The following CFAP20DC variants were observed in gnomAD, a reference collection of about 807,000 sequenced individuals.
CFAP20DC encodes CFAP20 domain containing.
Under a neutral mutation model 101.7 loss-of-function variants are expected in CFAP20DC, and 84 were observed. The observed-to-expected ratio is 0.83, with a 90% CI of 0.69 to 0.99. CFAP20DC has a LOEUF of 0.99. Ranked by LOEUF, CFAP20DC falls within the 50% of genes least tolerant of loss-of-function variation. The pLI is 0.00. For synonymous variants in CFAP20DC, 359 were observed against 351.2 expected (o/e 1.02, Z -0.25); for missense variants, 1,007 against 970.3 (o/e 1.04, Z -0.50).
At chr3:58,995,901 C>G (rs929452263) in intron 4 of CFAP20DC, among the ~76,000 whole-genome samples, 3 of 152,092 alleles carry the variant, frequency 2.0e-5, no homozygotes, top group African/African-American at 4.8e-5. Flanking sequence ...GTTCTTCTGA[C>G]TTTTCAGCTT....
At chr3:58,739,536 T>C (rs1414441456), downstream of CFAP20DC, among the ~76,000 whole-genome samples, 2 of 152,216 alleles carry the variant, frequency 1.3e-5, no homozygotes, top group Non-Finnish European at 1.5e-5. Context: ...CACAGGTGCA[T>C]ATGCCATTAG....
At chr3:58,943,022 T>C (rs1236131707) in intron 4 of CFAP20DC, among the ~76,000 whole-genome samples, 2 of 152,230 alleles carry the variant, frequency 1.3e-5, no homozygotes, top group Non-Finnish European at 2.9e-5. Context: ...ACTGCTTCTC[T>C]AGATTCCTCC....
chr3:58,990,491 G>A (rs1053662251), intron 4 of CFAP20DC, among the ~76,000 whole-genome samples: 4 of 152,084 alleles, frequency 2.6e-5, no homozygotes, highest in African/African-American at 9.7e-5. Context: ...CCAGGTCCTA[G>A]AATGCTCTTT....
At chr3:58,751,840 A>AACACACACACACAC (rs58961774) in intron 16 of CFAP20DC, among the ~76,000 whole-genome samples, 201 of 140,732 alleles carry the variant, frequency 1.4e-3, no homozygotes, top group African/African-American at 5.3e-3. Flanking sequence ...CCTCAGCTGT[A>AACACACACACACAC]ACACACACAC....
In CFAP20DC at chr3:58,730,566, G is replaced by A. The variant is rs116772910; in HGVS notation, c.198-12938C>T. On this transcript the variant is annotated intron_variant, in intron 3 of 3. Coordinates refer to the CFAP20DC transcript ENST00000486145. ...AGTAGGATCTCCTGACCATTTGAAA[G>A]TGGGACATGAGATAAGAGGAGGAAT... Among the ~76,000 whole-genome samples, 708 of 152,246 alleles carry A rather than the reference G, an allele frequency of 4.7e-3. 5 individuals are homozygous for A. Among genetic ancestry groups the A allele is most frequent in the African/African-American group, 0.017 (692 of 41,528 alleles).
At chr3:58,936,092 C>A (rs2087552075) in intron 5 of CFAP20DC, among the ~76,000 whole-genome samples, 1 of 152,028 alleles carries the variant, frequency 6.6e-6, no homozygotes, top group South Asian at 2.1e-4. Flanking sequence ...AAACAAACAA[C>A]CCCATCAAAA....
At chr3:58,839,235 T>G (rs1478043795) in intron 13 of CFAP20DC, among the ~76,000 whole-genome samples, 1 of 152,192 alleles carries the variant, frequency 6.6e-6, no homozygotes, top group Non-Finnish European at 1.5e-5. Context: ...TGGCCTCTAA[T>G]TGGGGGTAGC....
chr3:58,862,938 G>A (rs2079374540), intron 12 of CFAP20DC: 1 of 972,290 alleles, frequency 1.0e-6, no homozygotes, highest in Non-Finnish European at 1.2e-6. Context: ...AGTTTGATTT[G>A]AAACATTTTA....
At chr3:59,010,166 A>T (rs1168041474) in intron 4 of CFAP20DC, among the ~76,000 whole-genome samples, 4 of 152,136 alleles carry the variant, frequency 2.6e-5, no homozygotes, top group African/African-American at 9.7e-5. Context: ...CAAGGTCTTT[A>T]GGCAACAGCT....
intron 4 of CFAP20DC, among the ~76,000 whole-genome samples, chr3:58,979,226 A>G (rs1464620440): frequency 6.6e-6 from 1 of 152,220 alleles, no homozygotes; most frequent in East Asian, 1.9e-4. Flanking sequence ...GCATAGGCAC[A>G]AATCATGGTT....
In CFAP20DC at chr3:58,822,835, C is replaced by T. The variant is rs567733943; in HGVS notation, c.2175+8851G>A. The stretch of plus-strand genomic sequence containing the variant: ...CACTCTCACCTTCTCCTGTTCTCCC[C>T]TGCAGCTGGTCATAAAACATAGCTA... On this transcript the variant is annotated intron_variant, in intron 14 of 16. Transcript: ENST00000482387. 3.8e-4 allele frequency among the ~76,000 whole-genome samples: 58 copies of T among 152,212 alleles called. No homozygotes were observed. The South Asian group carries it at 0.01, about 27-fold the overall frequency.
At chr3:58,997,853 T>G (rs2093184408) in intron 4 of CFAP20DC, among the ~76,000 whole-genome samples, 1 of 152,192 alleles carries the variant, frequency 6.6e-6, no homozygotes, top group South Asian at 2.1e-4. Context: ...ATGTACAGAC[T>G]GTAGGGTCTG....
intron 12 of CFAP20DC, among the ~76,000 whole-genome samples, chr3:58,850,772 T>G (rs1364717297): frequency 6.6e-6 from 1 of 152,206 alleles, no homozygotes; most frequent in African/African-American, 2.4e-5. Context: ...AGTAAGCTAT[T>G]CCTTCACCCT....
intron 3 of CFAP20DC, among the ~76,000 whole-genome samples, chr3:59,043,699 C>T (rs1560043400): frequency 6.6e-6 from 1 of 151,946 alleles, no homozygotes; most frequent in East Asian, 1.9e-4. Flanking sequence ...CTGAAGAAGA[C>T]CCTCCAAATG....
chr3:58,742,626 C>A, intron 16 of CFAP20DC, 54 bp from the exon 17 acceptor site: 2 of 1,366,838 alleles, frequency 1.5e-6, no homozygotes, highest in African/African-American at 1.4e-5. Flanking sequence ...CCCGGAATCC[C>A]CAAACAAGGG....
intron 4 of CFAP20DC, among the ~76,000 whole-genome samples, chr3:58,954,008 G>A (rs942982436): frequency 6.6e-5 from 10 of 152,116 alleles, no homozygotes; most frequent in Non-Finnish European, 1.2e-4. Flanking sequence ...GGTAGTTGAC[G>A]GGAAAATCAA....
chr3:58,825,616 T>G (rs1336040783), intron 14 of CFAP20DC, among the ~76,000 whole-genome samples: 1 of 152,000 alleles, frequency 6.6e-6, no homozygotes, highest in African/African-American at 2.4e-5. Context: ...TCACTTAAAA[T>G]TCATTATAAC....
chr3:58,991,639 G>A (rs982439906), intron 4 of CFAP20DC, among the ~76,000 whole-genome samples: 1 of 152,134 alleles, frequency 6.6e-6, no homozygotes, highest in Non-Finnish European at 1.5e-5. Flanking sequence ...TGTTCCACCT[G>A]AGATCTCAGG....
intron 4 of CFAP20DC, among the ~76,000 whole-genome samples, chr3:59,035,531 AAAAC>A (rs2094083247): frequency 1.3e-5 from 2 of 152,208 alleles, no homozygotes; most frequent in African/African-American, 2.4e-5. Flanking sequence ...ATCCCACAGA[AAAAC>A]AAACTATCAT....
Sources: allele counts gnomAD v4.1 joint callset (sites outside exome capture counted in the v4.1 genomes callset), GRCh38; gene constraint gnomAD v4.1.1; transcripts MANE v1.5; gene names NCBI Gene and HGNC (gene_info 2026-07-23, HGNC 2026-07-21).